The following SEMA6D variants were observed in gnomAD, a reference collection of about 807,000 sequenced individuals.
The protein encoded by SEMA6D is semaphorin-6D.
SEMA6D carries 35 observed loss-of-function variants against 106.6 expected under a neutral mutation model. The observed-to-expected ratio is 0.33, with a 90% CI of 0.25 to 0.44. The LOEUF is 0.44. SEMA6D is among the 20% of genes least tolerant of loss of function. The pLI is 1.00. For missense variants in SEMA6D, 1,185 were observed against 1,345.9 expected (o/e 0.88, Z 1.87); for synonymous variants, 499 against 487.7 (o/e 1.02, Z -0.31).
intron 1 of SEMA6D, among the ~76,000 whole-genome samples, chr15:47,262,484 A>G (rs574003232): frequency 3.9e-5 from 6 of 152,106 alleles, no homozygotes; most frequent in African/African-American, 1.4e-4. Context: ...GCAAAGGGGG[A>G]AGCCTCTTAT....
intron 4 of SEMA6D, among the ~76,000 whole-genome samples, chr15:47,635,704 T>C (rs1005574405): frequency 1.3e-5 from 2 of 152,118 alleles, no homozygotes; most frequent in African/African-American, 4.8e-5. Context: ...GAACACACAG[T>C]TGGTATCTGG....
chr15:47,710,695 C>T lies in SEMA6D; in HGVS notation c.-54-49050C>T, dbSNP rs16959956. Among the ~76,000 whole-genome samples the T allele has an allele frequency of 3.0e-3, 460 of 152,202 alleles. 4 individuals carry two copies. Among genetic ancestry groups the T allele is most frequent in the African/African-American group, 0.011 (439 of 41,518 alleles). On this transcript the variant is annotated intron_variant, in intron 4 of 19. Coordinates refer to the SEMA6D transcript ENST00000558014. ...CCAAAATATTCAAATTTAATGGGTG[C>T]GTGATATTGTTAAAAACCTCTAACC... is the stretch of plus-strand genomic sequence containing the variant.
intron 2 of SEMA6D, among the ~76,000 whole-genome samples, chr15:47,468,999 C>T (rs1016021582): frequency 1.3e-5 from 2 of 152,060 alleles, no homozygotes; most frequent in Non-Finnish European, 1.5e-5. Flanking sequence ...TCTCTGGGTA[C>T]GGAAAGTCTG....
At position 47,222,093 on chromosome 15, in the gene SEMA6D, A is replaced by C. The variant is rs150218237; in HGVS notation, c.-239+37675A>C. On this transcript the variant is annotated intron_variant, in intron 1 of 19. Transcript: ENST00000558014. ...AACTCCTGAACCAACTGAGTGGATT[A>C]TAATTCTGCAAGGCCATGACTGATA... Among the ~76,000 whole-genome samples, 160 of 152,298 alleles carry C rather than the reference A, an allele frequency of 1.1e-3. 2 individuals carry two copies. Among genetic ancestry groups the C allele is most frequent in the African/African-American group, 3.7e-3 (155 of 41,560 alleles).
At chr15:47,221,268 A>G (rs987744195) in intron 1 of SEMA6D, among the ~76,000 whole-genome samples, 6 of 152,214 alleles carry the variant, frequency 3.9e-5, no homozygotes, top group African/African-American at 1.4e-4. Context: ...CTCTATGAAT[A>G]TAGCTCTTGC....
intron 2 of SEMA6D, among the ~76,000 whole-genome samples, chr15:47,424,935 G>T (rs564768610): frequency 9.7e-4 from 147 of 152,152 alleles, no homozygotes; most frequent in African/African-American, 3.5e-3. Flanking sequence ...ATTTTGAAGG[G>T]TAGTAAATGA....
intron 1 of SEMA6D, among the ~76,000 whole-genome samples, chr15:47,372,165 C>T (rs1179568093): frequency 6.6e-6 from 1 of 152,180 alleles, no homozygotes; most frequent in Non-Finnish European, 1.5e-5. Flanking sequence ...GACCTTAGAA[C>T]TCTTGCTTCA....
At chr15:47,657,897 C>T (rs1352726105) in intron 4 of SEMA6D, among the ~76,000 whole-genome samples, 6 of 151,278 alleles carry the variant, frequency 4.0e-5, no homozygotes, top group African/African-American at 1.5e-4. Flanking sequence ...CCCCCCACCA[C>T]GCCCGGCTAA....
chr15:47,663,783 G>C (rs2077974058), intron 4 of SEMA6D, among the ~76,000 whole-genome samples: 1 of 152,154 alleles, frequency 6.6e-6, no homozygotes, highest in African/African-American at 2.4e-5. Context: ...GCTAGAAAAT[G>C]TCACTCTCTT....
intron 1 of SEMA6D, among the ~76,000 whole-genome samples, chr15:47,314,864 T>C (rs1290880524): frequency 5.8e-5 from 2 of 34,376 alleles, no homozygotes; most frequent in South Asian, 1.3e-3. Context: ...TTTTTTTTTT[T>C]TTTTTTTTTT....
intron 4 of SEMA6D, among the ~76,000 whole-genome samples, chr15:47,632,586 C>A (rs1340100997): frequency 6.6e-6 from 1 of 151,854 alleles, no homozygotes; most frequent in Non-Finnish European, 1.5e-5. Context: ...ATAGCTACAC[C>A]TGATTTTTTA....
intron 1 of SEMA6D, among the ~76,000 whole-genome samples, chr15:47,237,012 T>TG (rs1390065103): frequency 9.9e-5 from 15 of 152,176 alleles, no homozygotes; most frequent in African/African-American, 3.6e-4. Context: ...TTGAATCAAA[T>TG]GGACACATAC....
intron 1 of SEMA6D, chr15:47,185,625 G>A (rs1229761283): frequency 2.6e-5 from 4 of 152,152 alleles, no homozygotes; most frequent in African/African-American, 7.2e-5. Context: ...AAATGGCCAA[G>A]CACTGGTGTA....
chr15:47,313,346 A>G (rs540831241), intron 1 of SEMA6D, among the ~76,000 whole-genome samples: 1 of 152,186 alleles, frequency 6.6e-6, no homozygotes. Flanking sequence ...CCTTTTCCAA[A>G]TGTCATATAG....
intron 1 of SEMA6D, among the ~76,000 whole-genome samples, chr15:47,332,317 G>A (rs962493139): frequency 9.2e-5 from 14 of 152,104 alleles, no homozygotes; most frequent in African/African-American, 3.4e-4. Context: ...GAAATACTCA[G>A]GTTTCCACTC....
intron 1 of SEMA6D, among the ~76,000 whole-genome samples, chr15:47,322,446 A>T (rs1232672141): frequency 6.6e-6 from 1 of 152,198 alleles, no homozygotes; most frequent in South Asian, 2.1e-4. Flanking sequence ...TATTTTGTAC[A>T]ATATCTATCA....
At chr15:47,507,992 G>C (rs2044104884) in intron 3 of SEMA6D, among the ~76,000 whole-genome samples, 1 of 152,182 alleles carries the variant, frequency 6.6e-6, no homozygotes, top group Admixed American at 6.5e-5. Flanking sequence ...AATGTAAAGA[G>C]ATTTAAACTT....
intron 1 of SEMA6D, among the ~76,000 whole-genome samples, chr15:47,732,148 G>C (rs1288268696): frequency 1.3e-5 from 2 of 152,206 alleles, no homozygotes; most frequent in African/African-American, 4.8e-5. Context: ...GTTTTCCATT[G>C]TTAGTATGCT....
chr15:47,479,488 T>C (rs1030228097), intron 3 of SEMA6D, among the ~76,000 whole-genome samples: 6 of 152,202 alleles, frequency 3.9e-5, no homozygotes, highest in Non-Finnish European at 7.3e-5. Context: ...AATAAATGTA[T>C]AAGCACCAAT....
Sources: allele counts gnomAD v4.1 joint callset (sites outside exome capture counted in the v4.1 genomes callset), GRCh38; gene constraint gnomAD v4.1.1; transcripts MANE v1.5; gene names NCBI Gene and HGNC (gene_info 2026-07-23, HGNC 2026-07-21).